Variants in CMPK1 observed in about 807,000 individuals in gnomAD.
The protein encoded by CMPK1 is cytidine/uridine monophosphate kinase 1, also known as UMP-CMP kinase.
Under a neutral mutation model 25.7 loss-of-function variants are expected in CMPK1, and 10 were observed. The observed-to-expected ratio is 0.39, with a 90% CI of 0.24 to 0.66. The LOEUF (loss-of-function observed/expected upper bound fraction) is 0.66, where lower values mean the gene tolerates loss of function less well. CMPK1 is among the 30% of genes least tolerant of loss of function. The probability of loss-of-function intolerance (pLI) is 0.48; values close to 1 mark genes in which losing one functional copy is unlikely to be tolerated. For synonymous variants in CMPK1, 106 were observed against 101.5 expected (o/e 1.04, Z -0.27); for missense variants, 199 against 280.5 (o/e 0.71, Z 2.08).
intron 1 of CMPK1, among the ~76,000 whole-genome samples, chr1:47,365,926 G>T (rs760236050): frequency 6.6e-6 from 1 of 152,114 alleles, no homozygotes; most frequent in African/African-American, 2.4e-5. Context: ...AGGCATGGTG[G>T]CTCATGCCTG....
At chr1:47,346,280 C>G (rs936246132) in intron 1 of CMPK1, among the ~76,000 whole-genome samples, 5 of 151,730 alleles carry the variant, frequency 3.3e-5, no homozygotes. Context: ...GAACTCATGA[C>G]CTCGTGATCC....
chr1:47,377,023 T>C lies in CMPK1; in HGVS notation c.*278T>C, dbSNP rs117696989. 7.4e-4 allele frequency: 184 copies of C among 247,394 alleles called. 4 individuals carry two copies. The East Asian group carries it at 0.012, about 16-fold the overall frequency. 15.3% of individuals were successfully genotyped at this position (247,394 alleles called of 1,614,324 possible). On this transcript the variant is annotated 3_prime_UTR_variant, in exon 6 of 6. Coordinates refer to ENST00000371873, the MANE Select transcript of CMPK1 (RefSeq NM_016308.3). ...TTCAAAAAGAATATCCCTTTTATAG[T>C]TTGTGCCTTCTGTGAGCAAAACTTT... is the stretch of plus-strand genomic sequence containing the variant.
chr1:47,357,437 C>G (rs1239829237), intron 1 of CMPK1, among the ~76,000 whole-genome samples: 1 of 151,344 alleles, frequency 6.6e-6, no homozygotes, highest in Non-Finnish European at 1.5e-5. Context: ...CATCCTTTTA[C>G]AAGGAAACCA....
chr1:47,370,534 G>A (rs1646671277), intron 2 of CMPK1, among the ~76,000 whole-genome samples: 1 of 151,466 alleles, frequency 6.6e-6, no homozygotes, highest in Non-Finnish European at 1.5e-5. Flanking sequence ...CCAGTTACTT[G>A]GGAGGCTGAG....
At chr1:47,367,355 C>A (rs1425675503) in intron 1 of CMPK1, among the ~76,000 whole-genome samples, 2 of 152,092 alleles carry the variant, frequency 1.3e-5, no homozygotes, top group African/African-American at 4.8e-5. Context: ...CAAATTTAAC[C>A]AGCAATTTCG....
chr1:47,372,542 G>C (rs1193924791), intron 2 of CMPK1, among the ~76,000 whole-genome samples: 1 of 152,146 alleles, frequency 6.6e-6, no homozygotes, highest in African/African-American at 2.4e-5. Flanking sequence ...TAAAGAGAGG[G>C]TCTCCAGTTG....
At chr1:47,368,128 T>C (rs1646652099) in intron 1 of CMPK1, among the ~76,000 whole-genome samples, 1 of 151,988 alleles carries the variant, frequency 6.6e-6, no homozygotes, top group African/African-American at 2.4e-5. Flanking sequence ...TTTTGTGTTT[T>C]TAGAGAGATG....
intron 1 of CMPK1, among the ~76,000 whole-genome samples, chr1:47,354,242 T>C (rs1003095242): frequency 1.3e-5 from 2 of 152,134 alleles, no homozygotes; most frequent in Admixed American, 6.5e-5. Flanking sequence ...GGCGGCAGGA[T>C]CACTTGAGCC....
chr1:47,367,915 G>A (rs1035075566), intron 1 of CMPK1, among the ~76,000 whole-genome samples: 1 of 151,996 alleles, frequency 6.6e-6, no homozygotes, highest in African/African-American at 2.4e-5. Flanking sequence ...CTACAGGCAT[G>A]AATCACCATA....
At chr1:47,353,487 G>A (rs1346731179) in intron 1 of CMPK1, among the ~76,000 whole-genome samples, 2 of 152,100 alleles carry the variant, frequency 1.3e-5, no homozygotes, top group African/African-American at 4.8e-5. Flanking sequence ...TGTATTTAGA[G>A]CAGTTCACCA....
At chr1:47,364,103 T>C (rs913994000) in intron 1 of CMPK1, among the ~76,000 whole-genome samples, 2 of 151,752 alleles carry the variant, frequency 1.3e-5, no homozygotes, top group African/African-American at 4.8e-5. Context: ...TGGGTGAAGG[T>C]GGATTGTTGA....
chr1:47,339,548 G>A (rs1444300226), intron 1 of CMPK1, among the ~76,000 whole-genome samples: 4 of 151,990 alleles, frequency 2.6e-5, no homozygotes, highest in Non-Finnish European at 5.9e-5. Flanking sequence ...AGTTGAATAC[G>A]TTGGATTCAT....
At chr1:47,343,877 A>G (rs1347527553) in intron 1 of CMPK1, among the ~76,000 whole-genome samples, 1 of 148,884 alleles carries the variant, frequency 6.7e-6, no homozygotes, top group Admixed American at 6.8e-5. Context: ...ACAGAGAGAG[A>G]CTCCGTCTCA....
intron 1 of CMPK1, among the ~76,000 whole-genome samples, chr1:47,349,747 CTTGTTTGTTTGT>C (rs372890322): frequency 6.6e-6 from 1 of 151,928 alleles, no homozygotes; most frequent in Admixed American, 6.6e-5. Flanking sequence ...TCTAAATGTT[CTTGTTTGTTTGT>C]TTGTTTGTTT....
intron 2 of CMPK1, 151 bp from the exon 3 acceptor site, chr1:47,372,804 T>G: frequency 2.5e-6 from 1 of 400,108 alleles, no homozygotes; most frequent in African/African-American, 3.8e-5. Context: ...TTCTTTCTTT[T>G]TTTCTTTTCT....
At chr1:47,360,377 T>C (rs1203609751) in intron 1 of CMPK1, among the ~76,000 whole-genome samples, 2 of 152,224 alleles carry the variant, frequency 1.3e-5, no homozygotes, top group Non-Finnish European at 2.9e-5. Context: ...ATTTGGCATA[T>C]AAATCAGATG....
chr1:47,358,608 G>GAGTTATAAAACTTTAGTTTT (rs1646579761), intron 1 of CMPK1: 1 of 994,790 alleles, frequency 1.0e-6, no homozygotes, highest in Non-Finnish European at 1.2e-6. Flanking sequence ...GGTTGTGACA[G>GAGTTATAAAACTTTAGTTTT]AGTTATAAAA....
chr1:47,334,131 G>T lies in CMPK1; in HGVS notation c.171+15G>T. On this transcript the variant is annotated intron_variant, in intron 1 of 5. Coordinates refer to ENST00000371873, the MANE Select transcript of CMPK1 (RefSeq NM_016308.3). ...GCATCGTCGAGGTGAGGCCCGGGCA[G>T]CAGGCGGGCTCCTTGGGGCTTGACG... 1 of 1,483,236 alleles carries T rather than the reference G, an allele frequency of 6.7e-7. No homozygotes were observed. Among genetic ancestry groups the T allele is most frequent in the East Asian group, 2.8e-5 (1 of 35,582 alleles). 91.9% of individuals were successfully genotyped at this position (1,483,236 alleles called of 1,614,324 possible).
chr1:47,343,207 G>A (rs1050950268), intron 1 of CMPK1, among the ~76,000 whole-genome samples: 1 of 149,768 alleles, frequency 6.7e-6, no homozygotes, highest in African/African-American at 2.5e-5. Context: ...GGCTGGTCTT[G>A]AACTCCAGAC....
Sources: gnomAD v4.1 joint callset for allele counts (sites outside exome capture counted in the v4.1 genomes callset) on GRCh38, gnomAD v4.1.1 for gene constraint, MANE v1.5 for transcripts, NCBI Gene and HGNC (gene_info 2026-07-23, HGNC 2026-07-21) for gene names.